Variants in ESRRB observed in about 807,000 individuals in gnomAD.
The protein encoded by ESRRB is steroid hormone receptor ERR2.
Under a neutral mutation model 46.0 loss-of-function variants are expected in ESRRB, and 16 were observed. That is an observed-to-expected ratio of 0.35 (90% CI 0.24 to 0.53). The LOEUF (loss-of-function observed/expected upper bound fraction) is 0.53, where lower values mean the gene tolerates loss of function less well. Among genes scored for constraint, ESRRB ranks in the 20% least tolerant of loss-of-function variants. The probability of loss-of-function intolerance (pLI) is 0.93; values close to 1 mark genes in which losing one functional copy is unlikely to be tolerated. For synonymous variants in ESRRB, 246 were observed against 259.6 expected (o/e 0.95, Z 0.50); for missense variants, 488 against 607.4 (o/e 0.80, Z 2.07).
At chr14:76,350,444 G>T (rs531778957) in intron 1 of ESRRB, among the ~76,000 whole-genome samples, 1 of 152,278 alleles carries the variant, frequency 6.6e-6, no homozygotes, top group South Asian at 2.1e-4. Context: ...CAAGCTGAAG[G>T]GGTTTGAGAA....
chr14:76,349,993 T>C (rs1461562857), intron 1 of ESRRB, among the ~76,000 whole-genome samples: 2 of 152,138 alleles, frequency 1.3e-5, no homozygotes, highest in Non-Finnish European at 2.9e-5. Flanking sequence ...TCACACTCCT[T>C]TTCTTGGGTA....
intron 2 of ESRRB, among the ~76,000 whole-genome samples, chr14:76,441,360 C>T (rs761422696): frequency 1.3e-5 from 2 of 152,298 alleles, no homozygotes; most frequent in Non-Finnish European, 2.9e-5. Context: ...AAAGTCACCA[C>T]GAGGTGAATT....
At chr14:76,419,429 GA>G (rs1038181334) in intron 1 of ESRRB, among the ~76,000 whole-genome samples, 7 of 152,160 alleles carry the variant, frequency 4.6e-5, no homozygotes, top group African/African-American at 1.7e-4. Flanking sequence ...ATTGAACAAG[GA>G]AATCTTCCAT....
intron 3 of ESRRB, among the ~76,000 whole-genome samples, chr14:76,466,050 C>T (rs1216790574): frequency 6.6e-6 from 1 of 152,196 alleles, no homozygotes; most frequent in South Asian, 2.1e-4. Flanking sequence ...CAGGCAAGGC[C>T]CAGGCCCCCC....
intron 1 of ESRRB, among the ~76,000 whole-genome samples, chr14:76,383,196 T>C (rs1885082135): frequency 6.6e-6 from 1 of 152,244 alleles, no homozygotes; most frequent in Admixed American, 6.5e-5. Context: ...ATCTTTTCTA[T>C]CAAGGAAACG....
chr14:76,377,878 C>G (rs1389126565), intron 1 of ESRRB, among the ~76,000 whole-genome samples: 2 of 152,208 alleles, frequency 1.3e-5, no homozygotes, highest in Non-Finnish European at 2.9e-5. Context: ...CCACTCCACC[C>G]TGGGGCAGAG....
At chr14:76,438,784 A>G (rs570412158) in intron 1 of ESRRB, among the ~76,000 whole-genome samples, 2 of 152,076 alleles carry the variant, frequency 1.3e-5, no homozygotes, top group South Asian at 2.1e-4. Context: ...GCAAAGCACT[A>G]GGGTGCCTAA....
At chr14:76,410,218 G>A (rs1449828619) in intron 1 of ESRRB, among the ~76,000 whole-genome samples, 2 of 151,992 alleles carry the variant, frequency 1.3e-5, no homozygotes, top group Admixed American at 1.3e-4. Context: ...AGCAAGACAG[G>A]TCTCAAAACA....
intron 1 of ESRRB, among the ~76,000 whole-genome samples, chr14:76,358,651 A>T (rs1437722994): frequency 6.6e-6 from 1 of 152,260 alleles, no homozygotes; most frequent in Non-Finnish European, 1.5e-5. Flanking sequence ...AGACATGGTG[A>T]TCACCTTGCG....
chr14:76,312,162 A>G (rs1883745890), intron 1 of ESRRB, among the ~76,000 whole-genome samples: 1 of 152,156 alleles, frequency 6.6e-6, no homozygotes, highest in Admixed American at 6.5e-5. Context: ...CCAACAATTT[A>G]AAAGCATTAA....
chr14:76,345,611 A>G (rs1195604019), intron 1 of ESRRB, among the ~76,000 whole-genome samples: 1 of 152,246 alleles, frequency 6.6e-6, no homozygotes, highest in Non-Finnish European at 1.5e-5. Flanking sequence ...ACACTAGTAC[A>G]GCCACTATGG....
At chr14:76,352,526 A>G (rs1416526714) in intron 1 of ESRRB, among the ~76,000 whole-genome samples, 2 of 152,226 alleles carry the variant, frequency 1.3e-5, no homozygotes, top group African/African-American at 4.8e-5. Context: ...AAGTATTATT[A>G]CAGGGCACCG....
chr14:76,479,358 G>T (rs1216656089), intron 3 of ESRRB, among the ~76,000 whole-genome samples: 2 of 152,150 alleles, frequency 1.3e-5, no homozygotes, highest in Non-Finnish European at 1.5e-5. Context: ...CCGGTAGCTG[G>T]GAGCCTCAGT....
chr14:76,376,407 C>A lies in ESRRB; in HGVS notation c.6C>A (p.Asp2Glu). The part of the protein sequence containing the change: M[D>E]VSELCIPDPL... ...GGAATGCTAAAACGGGACTGATGGA[C>A]GTGTCCGAACTCTGCATCCCGGACC... Residue 2 changes from aspartate (D) to glutamate (E), a missense_variant, in exon 1 of 7, where the codon GAC (aspartate) becomes GAA (glutamate). By Grantham distance (45) the Asp-to-Glu change is conservative (BLOSUM62 2). Transcript: ENST00000644823. The surrounding 1 kb of genome is among the most constrained non-coding windows in gnomAD (Gnocchi z 4.1). The A allele has an allele frequency of 8.1e-7, 1 of 1,231,690 alleles. No homozygotes were observed. Among genetic ancestry groups the A allele is most frequent in the East Asian group, 3.2e-5 (1 of 31,686 alleles). 76.3% of individuals were successfully genotyped at this position (1,231,690 alleles called of 1,614,324 possible).
intron 1 of ESRRB, among the ~76,000 whole-genome samples, chr14:76,392,126 G>C (rs1419896157): frequency 2.6e-5 from 4 of 152,182 alleles, no homozygotes; most frequent in Non-Finnish European, 4.4e-5. Flanking sequence ...AGCAGGCCCC[G>C]GGGCAGGGAG....
intron 2 of ESRRB, among the ~76,000 whole-genome samples, chr14:76,456,829 G>A (rs995616613): frequency 3.3e-5 from 5 of 152,146 alleles, no homozygotes; most frequent in Non-Finnish European, 7.4e-5. Flanking sequence ...GGGGAGGATC[G>A]GGAGAGCAGA....
intron 1 of ESRRB, among the ~76,000 whole-genome samples, chr14:76,403,994 C>T (rs144170029): frequency 6.6e-5 from 10 of 152,340 alleles, no homozygotes; most frequent in Non-Finnish European, 7.3e-5. Flanking sequence ...GCTGGGATTA[C>T]AGGCGTGAGC....
In ESRRB at chr14:76,333,758, C is replaced by T. The variant is rs368286366; in HGVS notation, c.2+22842C>T. 5.9e-5 allele frequency among the ~76,000 whole-genome samples: 9 copies of T among 151,886 alleles called. No individual in the cohort carries two copies. In the East Asian group the frequency reaches 7.7e-4, roughly 13 times the overall value. ...AAAAATTATCACCGAAATACTTTAC[C>T]TTCTTTTTCTTGTGCTAAGTGTTTG... On this transcript the variant is annotated intron_variant, in intron 1 of 6. Coordinates refer to the ESRRB transcript ENST00000512784.
intron 1 of ESRRB, among the ~76,000 whole-genome samples, chr14:76,387,977 C>T (rs573478141): frequency 1.3e-5 from 2 of 152,154 alleles, no homozygotes; most frequent in East Asian, 1.9e-4. Flanking sequence ...TCACAACAAT[C>T]CTAGGAAGTA....
Sources: allele counts gnomAD v4.1 joint callset (sites outside exome capture counted in the v4.1 genomes callset), GRCh38; gene constraint gnomAD v4.1.1; non-coding constraint Gnocchi (gnomAD v3.1); transcripts MANE v1.5; gene names NCBI Gene and HGNC (gene_info 2026-07-23, HGNC 2026-07-21).